The following SYNPR variants were observed in gnomAD, a reference collection of about 807,000 sequenced individuals.
SYNPR encodes the protein synaptoporin.
SYNPR carries 23 observed loss-of-function variants against 32.9 expected under a neutral mutation model. That is an observed-to-expected ratio of 0.70 (90% confidence interval 0.50 to 0.99). The LOEUF is 0.99. SYNPR is among the 50% of genes least tolerant of loss of function. The pLI is 0.00. For missense variants in SYNPR, 318 were observed against 349.3 expected, an observed-to-expected ratio of 0.91 and a Z score of 0.71; for synonymous variants, 146 against 135.9, an observed-to-expected ratio of 1.07 and a Z score of -0.52.
intron 2 of SYNPR, among the ~76,000 whole-genome samples, chr3:63,255,071 T>C (rs2086370519): frequency 6.6e-6 from 1 of 152,178 alleles, no homozygotes; most frequent in South Asian, 2.1e-4. Flanking sequence ...TACTTTGTTA[T>C]GGCAGCCCTT....
intron 3 of SYNPR, among the ~76,000 whole-genome samples, chr3:63,272,275 G>T (rs2086543804): frequency 6.6e-6 from 1 of 152,088 alleles, no homozygotes; most frequent in Non-Finnish European, 1.5e-5. Flanking sequence ...TTACAGATAA[G>T]GAAACTGAAC....
At chr3:63,240,801 C>G (rs2106880543) in intron 1 of SYNPR, among the ~76,000 whole-genome samples, 1 of 152,204 alleles carries the variant, frequency 6.6e-6, no homozygotes, top group South Asian at 2.1e-4. Context: ...TGCAGCCTGT[C>G]CTAGCTGGGA....
intron 3 of SYNPR, among the ~76,000 whole-genome samples, chr3:63,512,261 C>T (rs1701711052): frequency 6.6e-6 from 1 of 152,088 alleles, no homozygotes; most frequent in African/African-American, 2.4e-5. Context: ...TGTGTGTCTG[C>T]CTCATTTTCC....
At chr3:63,455,648 A>G (rs72885447) in intron 2 of SYNPR, among the ~76,000 whole-genome samples, 5,434 of 152,140 alleles carry the variant, frequency 0.036, 318 homozygotes, top group African/African-American at 0.12. Context: ...TCACCCAGAA[A>G]TGGGTCAACT....
intron 4 of SYNPR, among the ~76,000 whole-genome samples, chr3:63,558,648 T>G (rs1170251336): frequency 1.3e-5 from 2 of 152,148 alleles, no homozygotes; most frequent in East Asian, 3.9e-4. Context: ...ATTTTTAAAA[T>G]TTAATAATTA....
intron 2 of SYNPR, among the ~76,000 whole-genome samples, chr3:63,415,586 A>G (rs2088529541): frequency 1.3e-5 from 2 of 152,224 alleles, no homozygotes; most frequent in African/African-American, 4.8e-5. Flanking sequence ...GTAGCACAAA[A>G]GCAGCCATAG....
the SYNPR span, among the ~76,000 whole-genome samples, chr3:63,221,862 A>T: frequency 6.6e-5 from 10 of 152,102 alleles, no homozygotes; most frequent in Admixed American, 5.2e-4. Flanking sequence ...AGCTATAGGG[A>T]TAACTAAATT....
intron 3 of SYNPR, among the ~76,000 whole-genome samples, chr3:63,503,701 C>T (rs1157977492): frequency 3.3e-5 from 5 of 151,900 alleles, no homozygotes; most frequent in Non-Finnish European, 7.4e-5. Flanking sequence ...TCTAACAAAA[C>T]ATTTAAGGGT....
At chr3:63,302,107 T>C (rs2086864150) in intron 2 of SYNPR, among the ~76,000 whole-genome samples, 1 of 152,128 alleles carries the variant, frequency 6.6e-6, no homozygotes, top group Non-Finnish European at 1.5e-5. Context: ...CATCATTTTC[T>C]ACCCAGTTGA....
intron 2 of SYNPR, among the ~76,000 whole-genome samples, chr3:63,394,133 A>T (rs2088179856): frequency 6.6e-6 from 1 of 152,184 alleles, no homozygotes; most frequent in African/African-American, 2.4e-5. Context: ...GTACAGAATA[A>T]ATATTTGCTC....
intron 2 of SYNPR, among the ~76,000 whole-genome samples, chr3:63,472,328 G>C (rs979022128): frequency 6.6e-6 from 1 of 152,142 alleles, no homozygotes; most frequent in Non-Finnish European, 1.5e-5. Context: ...ATGTGACCTT[G>C]GACTTGCTGT....
At chr3:63,287,299 G>A (rs2086694372) in intron 2 of SYNPR, among the ~76,000 whole-genome samples, 1 of 152,060 alleles carries the variant, frequency 6.6e-6, no homozygotes, top group African/African-American at 2.4e-5. Context: ...TTTTGTACAT[G>A]CCACTTCCAC....
Position 63,443,131 on chromosome 3 carries a change from A to T in SYNPR, c.85-37701A>T, listed in dbSNP as rs913951871. On this transcript the variant is annotated intron_variant, in intron 2 of 5. Coordinates refer to ENST00000478300, the MANE Select transcript of SYNPR (RefSeq NM_001130003.2). The stretch of plus-strand genomic sequence containing the variant: ...CAAGAGCCAAGTGTGGGAGCTCACC[A>T]TGGTGGCAGCCACCTCCCCACCAAG... The T allele has an allele frequency of 2.1e-5, 24 of 1,148,874 alleles. No individual in the cohort carries two copies. In the African/African-American group the frequency reaches 3.8e-4, roughly 18 times the overall value. The allele number at this position is 1,148,874 out of a possible 1,614,324, so 71.2% of individuals were successfully genotyped here.
At chr3:63,384,937 T>G (rs1378797107) in intron 2 of SYNPR, among the ~76,000 whole-genome samples, 19 of 152,164 alleles carry the variant, frequency 1.2e-4, no homozygotes, top group Non-Finnish European at 1.5e-5. Flanking sequence ...TATTCAGACC[T>G]ATATTTGAAT....
intron 1 of SYNPR, among the ~76,000 whole-genome samples, chr3:63,247,772 C>T (rs895265335): frequency 2.7e-4 from 41 of 152,198 alleles, no homozygotes; most frequent in African/African-American, 8.2e-4. Context: ...GCTCTCTCAG[C>T]GAGTCAGCCT....
At chr3:63,489,361 G>A (rs1477199829) in intron 3 of SYNPR, among the ~76,000 whole-genome samples, 1 of 152,134 alleles carries the variant, frequency 6.6e-6, no homozygotes, top group Non-Finnish European at 1.5e-5. Context: ...GACCTAGCAT[G>A]TGCCTACAGC....
At chr3:63,359,924 A>G (rs1012118244) in intron 2 of SYNPR, among the ~76,000 whole-genome samples, 1 of 152,226 alleles carries the variant, frequency 6.6e-6, no homozygotes, top group African/African-American at 2.4e-5. Context: ...ATAAAAATCT[A>G]AAGAAATAGA....
intron 2 of SYNPR, among the ~76,000 whole-genome samples, chr3:63,398,412 G>T (rs1383926405): frequency 1.3e-5 from 2 of 152,112 alleles, no homozygotes; most frequent in Non-Finnish European, 2.9e-5. Context: ...ACCTGTATTT[G>T]AATCTGCCAC....
intron 2 of SYNPR, among the ~76,000 whole-genome samples, chr3:63,285,557 C>A (rs532345105): frequency 1.3e-5 from 2 of 152,248 alleles, no homozygotes; most frequent in East Asian, 1.9e-4. Flanking sequence ...TTGGTGACAA[C>A]AATCATGTGC....
Sources: allele counts gnomAD v4.1 joint callset (sites outside exome capture counted in the v4.1 genomes callset), GRCh38; gene constraint gnomAD v4.1.1; transcripts MANE v1.5; gene names NCBI Gene and HGNC (gene_info 2026-07-23, HGNC 2026-07-21).